TIPARP: variants seen among roughly 807,000 people sequenced by gnomAD.
The protein encoded by TIPARP is protein mono-ADP-ribosyltransferase TIPARP.
In TIPARP, 12 loss-of-function variants were observed where a neutral mutation model predicts 56.5. The ratio of observed to expected loss-of-function variants is 0.21; its 90% CI spans 0.14 to 0.34. TIPARP has a LOEUF of 0.34. Among genes scored for constraint, TIPARP ranks in the 10% least tolerant of loss-of-function variants. The pLI is 1.00. For missense variants in TIPARP, 604 were observed against 781.6 expected (o/e 0.77, Z 2.71); for synonymous variants, 296 against 265.7 (o/e 1.11, Z -1.11).
In TIPARP at chr3:156,677,936, C is replaced by T; in HGVS notation, c.239C>T (p.Thr80Ile). Residue 80 changes from threonine to isoleucine, a missense_variant, in exon 2 of 6, where the codon ACA becomes ATA. Coordinates refer to ENST00000295924, the MANE Select transcript of TIPARP (RefSeq NM_015508.5). ...GTTTTTAGATCTAGGAACCAGAGTA[C>T]AGATGAGAACAGCTTACATGAACCT... ...DGVFRSRNQS[T>I]DENSLHEPMM... is the part of the protein sequence containing the mutation. 3 of 1,614,142 alleles carry T rather than the reference C, an allele frequency of 1.9e-6. No individual in the cohort carries two copies. Among genetic ancestry groups the T allele is most frequent in the Non-Finnish European group, 2.5e-6 (3 of 1,180,036 alleles).
chr3:156,705,282 T>A lies in TIPARP; in HGVS notation c.*151T>A, dbSNP rs374266585. ...TTAAAGTGCTAGAAAATGCTTTTTT[T>A]AAAAAAAAAATACAAGTTTTAAAAT... On this transcript the variant is annotated 3_prime_UTR_variant, in exon 6 of 6. Transcript: ENST00000295924. The A allele has an allele frequency of 1.5e-3, 762 of 507,940 alleles. No individual in the cohort carries two copies. The highest frequency in any genetic ancestry group is 7.1e-3 in the African/African-American group (363 of 51,382). 31.5% of individuals were successfully genotyped at this position (507,940 alleles called of 1,614,324 possible). A position where few individuals can be genotyped will look rare whatever the true frequency, so the allele number is the denominator to read the frequency against.
intron 4 of TIPARP, among the ~76,000 whole-genome samples, chr3:156,697,362 G>A (rs978474708): frequency 5.9e-5 from 9 of 151,626 alleles, no homozygotes; most frequent in Non-Finnish European, 1.2e-4. Context: ...GGAAAGTTTC[G>A]GTGAATGGTG....
chr3:156,694,859 A>G (rs1351616983), intron 3 of TIPARP, among the ~76,000 whole-genome samples: 4 of 152,156 alleles, frequency 2.6e-5, no homozygotes, highest in African/African-American at 7.2e-5. Flanking sequence ...TTTCAATTTA[A>G]GTTCATTTCC....
At chr3:156,694,835 C>G (rs1334572651) in intron 3 of TIPARP, among the ~76,000 whole-genome samples, 1 of 152,066 alleles carries the variant, frequency 6.6e-6, no homozygotes, top group Non-Finnish European at 1.5e-5. Flanking sequence ...TTTCACATTC[C>G]AAAGATCTGA....
In TIPARP at chr3:156,695,845, T is replaced by G; in HGVS notation, c.1087-20T>G. ...ACTTTCCTTTTTTTTTTTTTTTTTG[T>G]TCTGTTTTCTCCTCCATAGTCTGTC... On this transcript the variant is annotated intron_variant, in intron 3 of 5. Coordinates refer to ENST00000295924, the MANE Select transcript of TIPARP (RefSeq NM_015508.5). 2 of 1,438,718 alleles carry G rather than the reference T, an allele frequency of 1.4e-6. No individual in the cohort carries two copies. Among genetic ancestry groups the G allele is most frequent in the Non-Finnish European group, 1.8e-6 (2 of 1,095,490 alleles). 89.1% of individuals were successfully genotyped at this position (1,438,718 alleles called of 1,614,324 possible). A position where few individuals can be genotyped will look rare whatever the true frequency, so the allele number is the denominator to read the frequency against.
At chr3:156,700,766 G>T (rs1722826861) in intron 4 of TIPARP, among the ~76,000 whole-genome samples, 1 of 152,144 alleles carries the variant, frequency 6.6e-6, no homozygotes, top group South Asian at 2.1e-4. Context: ...GTATTTCATC[G>T]CTGAAACTGA....
At chr3:156,688,297 G>A (rs1413239563) in intron 2 of TIPARP, among the ~76,000 whole-genome samples, 2 of 144,016 alleles carry the variant, frequency 1.4e-5, no homozygotes, top group Admixed American at 1.4e-4. Flanking sequence ...GGTAGTTTAA[G>A]CAAGGGAGTT....
intron 2 of TIPARP, among the ~76,000 whole-genome samples, chr3:156,683,108 T>C (rs1052393119): frequency 6.6e-6 from 1 of 152,176 alleles, no homozygotes; most frequent in Non-Finnish European, 1.5e-5. Flanking sequence ...TGGCTTCAGG[T>C]TGGGGTCATT....
chr3:156,696,519 T>A (rs1247369959), intron 4 of TIPARP, among the ~76,000 whole-genome samples: 1 of 152,240 alleles, frequency 6.6e-6, no homozygotes, highest in Non-Finnish European at 1.5e-5. Context: ...GTAAGCCACC[T>A]CTTCTTGTGA....
At chr3:156,686,868 GA>G (rs1419704497) in intron 2 of TIPARP, among the ~76,000 whole-genome samples, 1 of 151,828 alleles carries the variant, frequency 6.6e-6, no homozygotes, top group Admixed American at 6.6e-5. Context: ...TATTTATGTA[GA>G]AAAAATTATA....
intron 4 of TIPARP, among the ~76,000 whole-genome samples, chr3:156,701,716 G>A (rs1722847888): frequency 1.3e-5 from 2 of 152,154 alleles, no homozygotes; most frequent in Non-Finnish European, 2.9e-5. Flanking sequence ...AGGATCCAAA[G>A]GAATCTGTGT....
chr3:156,693,948 A>G (rs1722645111), intron 2 of TIPARP, 72 bp from the exon 3 acceptor site: 4 of 1,456,624 alleles, frequency 2.7e-6, no homozygotes, highest in Non-Finnish European at 3.7e-6. Context: ...GTCCAATGAT[A>G]TTTTTAGATA....
At chr3:156,692,332 A>G (rs1256887632) in intron 2 of TIPARP, among the ~76,000 whole-genome samples, 1 of 152,120 alleles carries the variant, frequency 6.6e-6, no homozygotes, top group Non-Finnish European at 1.5e-5. Context: ...GTTCCAGTTT[A>G]CAGGACTTTT....
At chr3:156,675,289 TC>T (rs1201898960) in intron 1 of TIPARP, 4 of 152,348 alleles carry the variant, frequency 2.6e-5, no homozygotes, top group African/African-American at 9.6e-5. Flanking sequence ...GCACAAGTCT[TC>T]GTCTTCCTCC....
chr3:156,703,856 A>G (rs1559977776), intron 5 of TIPARP, among the ~76,000 whole-genome samples, 154 bp downstream of exon 5: 1 of 151,976 alleles, frequency 6.6e-6, no homozygotes, highest in African/African-American at 2.4e-5. Context: ...TACTAAAAAT[A>G]GAAAAAATTA....
At chr3:156,692,043 A>G (rs1722589540) in intron 2 of TIPARP, among the ~76,000 whole-genome samples, 1 of 152,192 alleles carries the variant, frequency 6.6e-6, no homozygotes, top group Admixed American at 6.6e-5. Context: ...CTGACACTAA[A>G]CAGCAAAAAG....
At chr3:156,690,120 C>G (rs1722527927) in intron 2 of TIPARP, among the ~76,000 whole-genome samples, 1 of 152,034 alleles carries the variant, frequency 6.6e-6, no homozygotes. Context: ...ACTTTATAAA[C>G]AGAGAAACTG....
At chr3:156,690,549 T>C (rs1243520483) in intron 2 of TIPARP, among the ~76,000 whole-genome samples, 1 of 152,178 alleles carries the variant, frequency 6.6e-6, no homozygotes, top group Non-Finnish European at 1.5e-5. Flanking sequence ...TGGATTCTTA[T>C]AGTGGGATGT....
At chr3:156,703,992 G>A (rs915184286) in intron 5 of TIPARP, among the ~76,000 whole-genome samples, 71 of 126,168 alleles carry the variant, frequency 5.6e-4, no homozygotes, top group African/African-American at 2.1e-3. Flanking sequence ...CAGCCTGGGC[G>A]ACAGAGCCAG....
Sources: gnomAD v4.1 joint callset for allele counts (sites outside exome capture counted in the v4.1 genomes callset) on GRCh38, gnomAD v4.1.1 for gene constraint, MANE v1.5 for transcripts, NCBI Gene and HGNC (gene_info 2026-07-23, HGNC 2026-07-21) for gene names.